Variants in GOLM2 observed in about 807,000 individuals in gnomAD.
GOLM2 encodes golgi membrane protein 2.
In GOLM2, 26 loss-of-function variants were observed where a neutral mutation model predicts 55.9. The ratio of observed to expected loss-of-function variants is 0.47; its 90% CI spans 0.34 to 0.65. GOLM2 has a LOEUF of 0.65. GOLM2 is among the 30% of genes least tolerant of loss of function. The pLI is 0.01. For missense variants in GOLM2, 486 were observed against 531.8 expected (o/e 0.91, Z 0.85); for synonymous variants, 165 against 194.6 (o/e 0.85, Z 1.27).
intron 8 of GOLM2, among the ~76,000 whole-genome samples, chr15:44,386,779 G>C (rs1307151117): frequency 6.6e-6 from 1 of 152,196 alleles, no homozygotes; most frequent in Non-Finnish European, 1.5e-5. Context: ...GCTGAGGTGG[G>C]AGGATTGCTT....
chr15:44,386,101 C>A (rs2079442081), intron 8 of GOLM2, among the ~76,000 whole-genome samples: 1 of 152,106 alleles, frequency 6.6e-6, no homozygotes, highest in Non-Finnish European at 1.5e-5. Flanking sequence ...ATCTAAGAAA[C>A]CAGTGCCAAA....
chr15:44,296,243 G>T (rs1412098833), intron 1 of GOLM2, among the ~76,000 whole-genome samples: 2 of 152,178 alleles, frequency 1.3e-5, no homozygotes, highest in Non-Finnish European at 1.5e-5. Flanking sequence ...CTTGCAAACT[G>T]TAGCTCATAC....
At chr15:44,381,960 G>C (rs1200444260) in intron 8 of GOLM2, 1 of 151,776 alleles carries the variant, frequency 6.6e-6, no homozygotes, top group Non-Finnish European at 1.5e-5. Flanking sequence ...GCCTATTCAA[G>C]GTATTTTTGT....
intron 6 of GOLM2, among the ~76,000 whole-genome samples, chr15:44,378,590 T>A (rs1369417719): frequency 6.7e-6 from 1 of 149,382 alleles, no homozygotes; most frequent in Non-Finnish European, 1.5e-5. Context: ...AGAGCAAGAC[T>A]CTGTCTCAAA....
chr15:44,337,803 T>C lies in GOLM2; in HGVS notation c.617T>C (p.Leu206Ser). Residue 206 changes from leucine to serine, a missense_variant, in exon 5 of 10, where the codon TTG becomes TCG. Leu to Ser is a moderately radical substitution (Grantham distance 145). Transcript: ENST00000299957. ...ATTCAATCAAATGATGGAAAGGAAT[T>C]GGATATAAACAATCAAGTAGTACCT... ...QKIQSNDGKELDINNQVVPKN... is the reference protein window; with the variant it reads ...QKIQSNDGKESDINNQVVPKN... 6.3e-7 allele frequency: 1 copy of C among 1,595,124 alleles called. No individual in the cohort carries two copies. Among genetic ancestry groups the C allele is most frequent in the East Asian group, 2.3e-5 (1 of 44,190 alleles).
intron 7 of GOLM2, among the ~76,000 whole-genome samples, chr15:44,380,217 T>A (rs2079392682): frequency 6.6e-6 from 1 of 151,876 alleles, no homozygotes; most frequent in Admixed American, 6.6e-5. Flanking sequence ...GAAATGAGAG[T>A]AGATATGATT....
intron 6 of GOLM2, among the ~76,000 whole-genome samples, chr15:44,366,569 G>T (rs371927341): frequency 1.3e-5 from 2 of 152,152 alleles, no homozygotes; most frequent in East Asian, 3.9e-4. Context: ...AGGGGATTGA[G>T]GCTGCAGTGA....
At chr15:44,386,179 A>T (rs2079442558) in intron 8 of GOLM2, among the ~76,000 whole-genome samples, 1 of 152,174 alleles carries the variant, frequency 6.6e-6, no homozygotes, top group Non-Finnish European at 1.5e-5. Context: ...TGTTATATTT[A>T]GGTCTTTCAT....
chr15:44,402,818 T>G, intron 8 of GOLM2, 69 bp from the exon 9 acceptor site: 1 of 1,502,960 alleles, frequency 6.7e-7, no homozygotes, highest in East Asian at 2.3e-5. Context: ...CTTTCTGGTC[T>G]GCCTTCCGTA....
intron 5 of GOLM2, 88 bp from the exon 6 acceptor site, chr15:44,338,149 T>C: frequency 7.6e-7 from 1 of 1,311,074 alleles, no homozygotes; most frequent in Non-Finnish European, 1.1e-6. Flanking sequence ...GCCTATTACT[T>C]TTAGAAACTG....
intron 6 of GOLM2, among the ~76,000 whole-genome samples, chr15:44,371,672 T>C (rs1193246883): frequency 1.3e-5 from 2 of 152,244 alleles, no homozygotes; most frequent in Non-Finnish European, 2.9e-5. Flanking sequence ...TTATGGTCAA[T>C]TGCTGATCTG....
At chr15:44,395,828 G>T (rs1197804284) in intron 8 of GOLM2, among the ~76,000 whole-genome samples, 1 of 151,562 alleles carries the variant, frequency 6.6e-6, no homozygotes, top group Non-Finnish European at 1.5e-5. Flanking sequence ...GATAGAACAA[G>T]ACTCCGTCTC....
chr15:44,307,807 G>A (rs1053618914), intron 1 of GOLM2: 4 of 152,148 alleles, frequency 2.6e-5, no homozygotes, highest in African/African-American at 9.7e-5. Flanking sequence ...AGTCAAGAGC[G>A]AAATAATTCA....
intron 4 of GOLM2, 22 bp from the exon 5 acceptor site, chr15:44,337,741 A>G: frequency 6.5e-7 from 1 of 1,542,884 alleles, no homozygotes; most frequent in East Asian, 2.4e-5. Context: ...GAAAAATATT[A>G]TTACCAAATT....
chr15:44,392,285 G>A (rs1453858126), intron 8 of GOLM2, among the ~76,000 whole-genome samples: 1 of 151,986 alleles, frequency 6.6e-6, no homozygotes, highest in Non-Finnish European at 1.5e-5. Context: ...AATATTATGA[G>A]AAAGAAAAAT....
chr15:44,369,094 T>TATATATATATATATAG (rs2079309597), intron 6 of GOLM2, among the ~76,000 whole-genome samples: 6 of 90,596 alleles, frequency 6.6e-5, no homozygotes, highest in African/African-American at 2.5e-4. Context: ...TATATATATA[T>TATATATATATATATAG]ATATATATAT....
At chr15:44,311,255 T>A (rs1209279934) in intron 1 of GOLM2, among the ~76,000 whole-genome samples, 1 of 152,146 alleles carries the variant, frequency 6.6e-6, no homozygotes, top group Non-Finnish European at 1.5e-5. Flanking sequence ...GAAAACTATT[T>A]TAGAGCTTAG....
At chr15:44,402,803 G>A in intron 8 of GOLM2, 84 bp from the exon 9 acceptor site, 1 of 1,406,486 alleles carries the variant, frequency 7.1e-7, no homozygotes, top group South Asian at 1.3e-5. Context: ...GCTTTCACTT[G>A]TTTACTTTCT....
chr15:44,309,363 C>T (rs922395608), intron 1 of GOLM2, among the ~76,000 whole-genome samples: 7 of 152,068 alleles, frequency 4.6e-5, no homozygotes, highest in South Asian at 4.1e-4. Context: ...TTCAGTTATG[C>T]AAGATGAGTA....
Sources: allele counts gnomAD v4.1 joint callset (sites outside exome capture counted in the v4.1 genomes callset), GRCh38; gene constraint gnomAD v4.1.1; transcripts MANE v1.5; gene names NCBI Gene and HGNC (gene_info 2026-07-23, HGNC 2026-07-21).